Variants in PHKG1 observed in about 807,000 individuals in gnomAD.
PHKG1 encodes phosphorylase kinase catalytic subunit gamma 1, also known as phosphorylase b kinase gamma catalytic chain, skeletal muscle/heart isoform.
Under a neutral mutation model 50.5 loss-of-function variants are expected in PHKG1, and 48 were observed. The ratio of observed to expected loss-of-function variants is 0.95; its 90% CI spans 0.75 to 1.21. The LOEUF (loss-of-function observed/expected upper bound fraction) is 1.21. PHKG1 is among the 50% of genes most tolerant of loss of function. PHKG1 has a pLI of 0.00. For missense variants in PHKG1, 487 were observed against 519.5 expected (o/e 0.94, Z 0.61); for synonymous variants, 204 against 212.8 (o/e 0.96, Z 0.36).
intron 1 of PHKG1, among the ~76,000 whole-genome samples, chr7:56,091,516 CA>C (rs35935362): frequency 2.2e-4 from 31 of 144,026 alleles, no homozygotes; most frequent in Admixed American, 2.1e-4. Context: ...GACTCCATCT[CA>C]AAAAAAAAAA....
Position 56,081,473 on chromosome 7 carries a change from G to C in PHKG1, c.918+157C>G, listed in dbSNP as rs772418840. On this transcript the variant is annotated intron_variant, in intron 9 of 9. Coordinates refer to ENST00000297373, the MANE Select transcript of PHKG1 (RefSeq NM_006213.5). This position sits in a 1 kb window ranked among gnomAD's most constrained non-coding sequence, Gnocchi z 4.6. The stretch of plus-strand genomic sequence containing the variant: ...AGCATCCTCAGGGACCGAGCCAGTG[G>C]GCTGACACCTGCCGTCTTTGAAGCC... Among the ~76,000 whole-genome samples the C allele has an allele frequency of 6.6e-6, 1 of 152,166 alleles. No homozygotes were observed. The highest frequency in any genetic ancestry group is 1.5e-5 in the Non-Finnish European group (1 of 68,024).
intron 1 of PHKG1, among the ~76,000 whole-genome samples, chr7:56,092,353 A>C (rs937635463): frequency 6.6e-6 from 1 of 152,144 alleles, no homozygotes; most frequent in Non-Finnish European, 1.5e-5. Flanking sequence ...GCTCACTGCA[A>C]CTTCTGCTTT....
At position 56,083,303 on chromosome 7, in the gene PHKG1, C is replaced by G; in HGVS notation, c.522G>C (p.Gln174His). 6.2e-7 allele frequency: 1 copy of G among 1,614,012 alleles called. No individual in the cohort carries two copies. The highest frequency in any genetic ancestry group is 8.5e-7 in the Non-Finnish European group (1 of 1,179,940). ...IKLTDFGFSC[Q>H]LEPGERLREV... is the part of the protein sequence containing the mutation. ...CTCGCAGCCTCTCTCCCGGCTCCAGCTGGCAGGAAAAGCCAAAGTCTGTGA... is the reference window on the plus strand; with the variant it reads ...CTCGCAGCCTCTCTCCCGGCTCCAGGTGGCAGGAAAAGCCAAAGTCTGTGA... Residue 174 changes from glutamine to histidine, a missense_variant, in exon 6 of 10, where the codon CAG becomes CAC. Physicochemically the swap from Gln to His is conservative, Grantham distance 24. Coordinates refer to ENST00000297373, the MANE Select transcript of PHKG1 (RefSeq NM_006213.5).
intron 2 of PHKG1, among the ~76,000 whole-genome samples, chr7:56,087,995 CTTTTTT>C (rs34943237): frequency 5.2e-5 from 5 of 97,042 alleles, no homozygotes; most frequent in Non-Finnish European, 9.4e-5. Context: ...CCGTGTGACT[CTTTTTT>C]TTTTTTTTTT....
chr7:56,080,726 T>TAGATCTCGGTGGTCGC lies in PHKG1; in HGVS notation c.*327_*328insGCGACCACCGAGATCT. On this transcript the variant is annotated 3_prime_UTR_variant, in exon 10 of 10. Coordinates refer to ENST00000297373, the MANE Select transcript of PHKG1 (RefSeq NM_006213.5). ...ACCCTAAGGGAAGAAAGCCTGAGTG[T>TAGATCTCGGTGGTCGC]CAGTAACTCTGGGCCTCCCCTAAAG... 2.8e-6 allele frequency: 1 copy of TAGATCTCGGTGGTCGC among 360,016 alleles called. No individual in the cohort carries two copies. Among genetic ancestry groups the TAGATCTCGGTGGTCGC allele is most frequent in the East Asian group, 6.0e-5 (1 of 16,552 alleles). The allele number at this position is 360,016 out of a possible 1,614,324, so 22.3% of individuals were successfully genotyped here.
chr7:56,083,613 T>C, intron 5 of PHKG1, 37 bp downstream of exon 5: 1 of 1,553,420 alleles, frequency 6.4e-7, no homozygotes, highest in Non-Finnish European at 8.8e-7. Flanking sequence ...CTAAGCCACG[T>C]GGGAGGGAGC....
At chr7:56,087,102 C>A (rs1796285373) in intron 3 of PHKG1, 78 bp from the exon 4 acceptor site, 5 of 1,076,828 alleles carry the variant, frequency 4.6e-6, no homozygotes, top group Non-Finnish European at 7.2e-6. Context: ...GGGTCAGGGA[C>A]CGAGGCTGCT....
rs1276659011 is a variant in PHKG1, at chr7:56,081,709, T to C, written c.839A>G (p.Glu280Gly). 1 of 1,613,994 alleles carries C rather than the reference T, an allele frequency of 6.2e-7. No individual in the cohort carries two copies. The highest frequency in any genetic ancestry group is 8.5e-7 in the Non-Finnish European group (1 of 1,179,980). Reference sequence around the variant, plus strand: ...GAAGAAGGGGTGTGCCAAGGCCTCTTCCGCTGTGTAGCGGTTCTGGGGTTG... The same window carrying C: ...GAAGAAGGGGTGTGCCAAGGCCTCTCCCGCTGTGTAGCGGTTCTGGGGTTG... ...VVQPQNRYTA[E>G]EALAHPFFQQ... The change falls in exon 9 of 10, where the codon GAA (glutamate) becomes GGA (glycine). Residue 280 changes from glutamate to glycine, a missense_variant. Physicochemically the swap from Glu to Gly is moderately conservative, Grantham distance 98 (BLOSUM62 -2). Transcript: ENST00000297373. This position sits in a 1 kb window ranked among gnomAD's most constrained non-coding sequence, Gnocchi z 4.6.
At chr7:56,092,448 T>C (rs1156566988) in intron 1 of PHKG1, among the ~76,000 whole-genome samples, 1 of 152,194 alleles carries the variant, frequency 6.6e-6, no homozygotes, top group Non-Finnish European at 1.5e-5. Flanking sequence ...AATTTTTGTA[T>C]TTTTAGTAGA....
At chr7:56,083,233 T>G (rs1340981730) in intron 6 of PHKG1, 45 bp downstream of exon 6, 1 of 1,588,586 alleles carries the variant, frequency 6.3e-7, no homozygotes, top group Non-Finnish European at 8.6e-7. Flanking sequence ...GATGGTTGAT[T>G]GAGCACCCGA....
intron 1 of PHKG1, among the ~76,000 whole-genome samples, chr7:56,091,696 G>A (rs565309996): frequency 1.3e-5 from 2 of 152,328 alleles, no homozygotes; most frequent in Middle Eastern, 3.4e-3. Flanking sequence ...TCACAAAGGA[G>A]CCAATTTGCT....
At chr7:56,086,208 C>A (rs1370591711) in intron 4 of PHKG1, among the ~76,000 whole-genome samples, 1 of 151,726 alleles carries the variant, frequency 6.6e-6, no homozygotes, top group East Asian at 1.9e-4. Context: ...TACAGTCATC[C>A]CTCTTTATCT....
chr7:56,084,206 C>A, intron 4 of PHKG1: 1 of 1,534,744 alleles, frequency 6.5e-7, no homozygotes, highest in Non-Finnish European at 8.7e-7. Flanking sequence ...GCCCAAGCAC[C>A]ATTTCTGTTC....
chr7:56,087,645 A>G lies in PHKG1; in HGVS notation c.215T>C (p.Leu72Pro). The G allele has an allele frequency of 6.2e-7, 1 of 1,613,954 alleles. No homozygotes were observed. Among genetic ancestry groups the G allele is most frequent in the South Asian group, 1.1e-5 (1 of 91,086 alleles). Residue 72 changes from leucine (L) to proline (P), a missense_variant, in exon 3 of 10, where the codon CTG (leucine) becomes CCG (proline). Leu to Pro is a moderately conservative substitution (Grantham distance 98). Transcript: ENST00000297373. ...CTTGCGCAGGATGTCCACCTCCTTC[A>G]GCGTGGCTTCTCGCAGCTCCCGCAC... Reference protein sequence around the residue: ...EEVRELREATLKEVDILRKVS... With the variant: ...EEVRELREATPKEVDILRKVS...
chr7:56,081,343 C>T lies in PHKG1; in HGVS notation c.919-44G>A, dbSNP rs1245094069. 1.9e-6 allele frequency: 3 copies of T among 1,563,692 alleles called. No individual in the cohort carries two copies. Among genetic ancestry groups the T allele is most frequent in the Non-Finnish European group, 1.7e-6 (2 of 1,161,768 alleles). On this transcript the variant is annotated intron_variant, in intron 9 of 9. Transcript: ENST00000297373. This position sits in a 1 kb window ranked among gnomAD's most constrained non-coding sequence, Gnocchi z 4.6. ...AAGCTGGGCTGCAGCCCCCGCCCTG[C>T]CAGGCCCTGCCCCTCCAGCACAGGG...
chr7:56,082,398 G>A, intron 6 of PHKG1, 145 bp from the exon 7 acceptor site: 1 of 606,254 alleles, frequency 1.6e-6, no homozygotes, highest in East Asian at 2.8e-5. Context: ...TTCGAGACCA[G>A]CCTGGCCAAC....
intron 4 of PHKG1, chr7:56,084,026 G>A: frequency 1.6e-6 from 1 of 632,910 alleles, no homozygotes; most frequent in Non-Finnish European, 2.7e-6. Context: ...ACCATTTCAT[G>A]AGGTAGGCAT....
Position 56,081,734 on chromosome 7 carries a change from G to A in PHKG1, c.814C>T (p.Gln272Ter). 6.2e-7 allele frequency: 1 copy of A among 1,613,740 alleles called. No homozygotes were observed. Among genetic ancestry groups the A allele is most frequent in the Non-Finnish European group, 8.5e-7 (1 of 1,179,760 alleles). Reference protein sequence around the residue: ...KDLVSRFLVVQPQNRYTAEEA... With the variant: ...KDLVSRFLVV ...TCCGCTGTGTAGCGGTTCTGGGGTT[G>A]CACCACCAGGAATCGGGAGACCTGT... The change falls in exon 9 of 10, where the codon CAA (glutamine) becomes TAA (stop). Residue 272 changes from glutamine (Q) to a stop codon, truncating the protein, a stop_gained. Coordinates refer to ENST00000297373, the MANE Select transcript of PHKG1 (RefSeq NM_006213.5). LOFTEE classifies it high-confidence loss of function. This position sits in a 1 kb window ranked among gnomAD's most constrained non-coding sequence, Gnocchi z 4.6.
chr7:56,087,558 A>G (rs779504419), intron 3 of PHKG1, 40 bp downstream of exon 3: 4 of 1,588,432 alleles, frequency 2.5e-6, no homozygotes, highest in Admixed American at 1.7e-5. Context: ...GCAGAATCAC[A>G]GGGGGGCACC....
Sources: gnomAD v4.1 joint callset for allele counts (sites outside exome capture counted in the v4.1 genomes callset) on GRCh38, gnomAD v4.1.1 for gene constraint, Gnocchi (gnomAD v3.1) non-coding constraint, MANE v1.5 for transcripts, NCBI Gene and HGNC (gene_info 2026-07-23, HGNC 2026-07-21) for gene names.